The following TRPC4 variants were observed in gnomAD, a reference collection of about 807,000 sequenced individuals.
TRPC4 encodes short transient receptor potential channel 4.
Under a neutral mutation model 99.4 loss-of-function variants are expected in TRPC4, and 49 were observed. The observed-to-expected ratio is 0.49, with a 90% CI of 0.39 to 0.63. TRPC4 has a LOEUF of 0.63. Ranked by LOEUF, TRPC4 falls within the 20% of genes least tolerant of loss-of-function variation. The pLI is 0.00. For synonymous variants in TRPC4, 454 were observed against 425.9 expected (o/e 1.07, Z -0.81); for missense variants, 898 against 1,152.9 (o/e 0.78, Z 3.20).
rs184915557 is a variant in TRPC4 at position 37,698,450 on chromosome 13, C to A, written c.898-6115G>T. 7.1e-4 allele frequency among the ~76,000 whole-genome samples: 108 copies of A among 151,980 alleles called. 2 individuals carry two copies. In the East Asian group the frequency reaches 9.9e-3, roughly 14 times the overall value. The stretch of plus-strand genomic sequence containing the variant: ...TGCTGGGAGGACTAACTTTTAATAA[C>A]CACTGCCTTACAGAAATACCTTTGA... On this transcript the variant is annotated intron_variant, in intron 3 of 10. Transcript: ENST00000379705.
intron 3 of TRPC4, among the ~76,000 whole-genome samples, chr13:37,696,623 G>A (rs1030732550): frequency 2.0e-5 from 3 of 152,214 alleles, no homozygotes; most frequent in Admixed American, 6.5e-5. Flanking sequence ...GCTGACTGCC[G>A]GGTGATTATA....
At chr13:37,756,075 A>T (rs554026737) in intron 2 of TRPC4, among the ~76,000 whole-genome samples, 10 of 152,254 alleles carry the variant, frequency 6.6e-5, no homozygotes, top group South Asian at 6.2e-4. Context: ...ACTTAGTTAT[A>T]TTTAAAATTT....
chr13:37,841,832 C>A (rs1197432710), intron 1 of TRPC4, among the ~76,000 whole-genome samples: 1 of 152,096 alleles, frequency 6.6e-6, no homozygotes, highest in Non-Finnish European at 1.5e-5. Context: ...AAAACAGTTT[C>A]TTTAAAAATG....
At chr13:37,730,004 G>C (rs1301839536) in intron 3 of TRPC4, among the ~76,000 whole-genome samples, 1 of 152,000 alleles carries the variant, frequency 6.6e-6, no homozygotes, top group East Asian at 1.9e-4. Context: ...CACCAGAATA[G>C]AAAAATTAAA....
Position 37,701,325 on chromosome 13 carries a change from C to T in TRPC4, c.898-8990G>A, listed in dbSNP as rs570186062. 9.2e-5 allele frequency among the ~76,000 whole-genome samples: 14 copies of T among 152,212 alleles called. No individual in the cohort carries two copies. In the South Asian group the frequency reaches 1.2e-3, roughly 14 times the overall value. On this transcript the variant is annotated intron_variant, in intron 3 of 10. Transcript: ENST00000379705. ...CTAATTGTCAATGATTCCTGCTGAT[C>T]AAACATCTGGGATGTTCCTCCCCGG...
chr13:37,651,830 C>A (rs1422913117), intron 7 of TRPC4, among the ~76,000 whole-genome samples: 1 of 152,220 alleles, frequency 6.6e-6, no homozygotes, highest in Non-Finnish European at 1.5e-5. Context: ...TCTGTCTTAA[C>A]CAAAGCCTTG....
At chr13:37,693,786 T>G (rs1470817537) in intron 3 of TRPC4, among the ~76,000 whole-genome samples, 1 of 152,202 alleles carries the variant, frequency 6.6e-6, no homozygotes, top group African/African-American at 2.4e-5. Context: ...CTCATCAATA[T>G]ATATAGTGGG....
chr13:37,849,540 C>G (rs1277653288), intron 1 of TRPC4, among the ~76,000 whole-genome samples: 1 of 152,142 alleles, frequency 6.6e-6, no homozygotes, highest in Non-Finnish European at 1.5e-5. Flanking sequence ...TGGACATGAC[C>G]AAGCAGCCAC....
chr13:37,681,811 A>G (rs1953249167), intron 4 of TRPC4, among the ~76,000 whole-genome samples: 1 of 152,228 alleles, frequency 6.6e-6, no homozygotes, highest in Non-Finnish European at 1.5e-5. Flanking sequence ...ATGATTTCTC[A>G]GAGTCGTGAT....
intron 1 of TRPC4, among the ~76,000 whole-genome samples, chr13:37,811,175 C>T (rs1348189661): frequency 6.6e-6 from 1 of 151,942 alleles, no homozygotes; most frequent in Non-Finnish European, 1.5e-5. Flanking sequence ...ATAATAAAAT[C>T]AAAACTCTAT....
chr13:37,820,466 C>G (rs925781915), intron 1 of TRPC4, among the ~76,000 whole-genome samples: 1 of 152,026 alleles, frequency 6.6e-6, no homozygotes, highest in Admixed American at 6.6e-5. Context: ...GACACCCAAA[C>G]CTTACGGAGA....
intron 6 of TRPC4, among the ~76,000 whole-genome samples, chr13:37,658,797 G>A (rs1223215322): frequency 6.6e-6 from 1 of 152,282 alleles, no homozygotes; most frequent in Non-Finnish European, 1.5e-5. Context: ...CTGGAAAGGA[G>A]CAGGAGGAAG....
intron 3 of TRPC4, among the ~76,000 whole-genome samples, chr13:37,745,508 G>GTATATATGTATATATACGTA (rs1566138574): frequency 1.7e-4 from 19 of 111,436 alleles, no homozygotes; most frequent in African/African-American, 7.4e-4. Context: ...ACGTATATAT[G>GTATATATGTATATATACGTA]TATATATATA....
At chr13:37,733,469 A>T (rs999317526) in intron 3 of TRPC4, among the ~76,000 whole-genome samples, 9 of 152,184 alleles carry the variant, frequency 5.9e-5, no homozygotes, top group Non-Finnish European at 1.2e-4. Flanking sequence ...TTCTAACATG[A>T]ATAACCGGGA....
At chr13:37,716,767 T>C (rs1175416122) in intron 3 of TRPC4, among the ~76,000 whole-genome samples, 2 of 152,116 alleles carry the variant, frequency 1.3e-5, no homozygotes, top group African/African-American at 4.8e-5. Context: ...TCGTTACAAG[T>C]CTCAACGAGC....
intron 3 of TRPC4, among the ~76,000 whole-genome samples, chr13:37,724,023 T>C (rs1039354392): frequency 6.6e-6 from 1 of 152,088 alleles, no homozygotes; most frequent in African/African-American, 2.4e-5. Context: ...ATAGGAAAAA[T>C]TGGGAAAACT....
At chr13:37,666,840 T>A (rs948966318) in intron 5 of TRPC4, among the ~76,000 whole-genome samples, 1 of 152,096 alleles carries the variant, frequency 6.6e-6, no homozygotes, top group Admixed American at 6.5e-5. Flanking sequence ...TTTTCAAGCT[T>A]CCTCTCTTCT....
chr13:37,826,670 A>T (rs1364053572), intron 1 of TRPC4, among the ~76,000 whole-genome samples: 2 of 151,962 alleles, frequency 1.3e-5, no homozygotes, highest in African/African-American at 2.4e-5. Flanking sequence ...CTTCCCTTTG[A>T]GGGTAACCCG....
At chr13:37,862,641 G>A (rs1262915506) in intron 1 of TRPC4, among the ~76,000 whole-genome samples, 1 of 151,578 alleles carries the variant, frequency 6.6e-6, no homozygotes, top group Non-Finnish European at 1.5e-5. Flanking sequence ...AAAGGATCAG[G>A]AGAAAATAAG....
Sources: gnomAD v4.1 joint callset for allele counts (sites outside exome capture counted in the v4.1 genomes callset) on GRCh38, gnomAD v4.1.1 for gene constraint, MANE v1.5 for transcripts, NCBI Gene and HGNC (gene_info 2026-07-23, HGNC 2026-07-21) for gene names.